The following RAB27B variants were observed in gnomAD, a reference collection of about 807,000 sequenced individuals.
RAB27B encodes RAB27B, member RAS oncogene family, also known as ras-related protein Rab-27B.
Under a neutral mutation model 24.6 loss-of-function variants are expected in RAB27B, and 15 were observed. That is an observed-to-expected ratio of 0.61 (90% confidence interval 0.41 to 0.94). RAB27B has a LOEUF of 0.94. RAB27B is among the 40% of genes least tolerant of loss of function. The pLI is 0.00. For missense variants in RAB27B, 261 were observed against 266.8 expected (o/e 0.98, Z 0.15); for synonymous variants, 105 against 92.5 (o/e 1.14, Z -0.78).
intron 1 of RAB27B, among the ~76,000 whole-genome samples, chr18:54,870,432 A>T (rs1049198893): frequency 2.0e-4 from 30 of 152,152 alleles, no homozygotes; most frequent in Admixed American, 7.2e-4. Context: ...CACTAAAAAA[A>T]TTTTCAATTA....
intron 2 of RAB27B, among the ~76,000 whole-genome samples, chr18:54,814,774 A>T (rs1007224707): frequency 4.6e-5 from 7 of 152,190 alleles, no homozygotes; most frequent in African/African-American, 1.7e-4. Flanking sequence ...TCAACATTTA[A>T]CTGAGTTAAC....
chr18:54,751,765 A>G (rs2045874999), intron 2 of RAB27B, among the ~76,000 whole-genome samples: 1 of 152,232 alleles, frequency 6.6e-6, no homozygotes, highest in African/African-American at 2.4e-5. Flanking sequence ...GATGAAGCAT[A>G]GAATAAAGAA....
At chr18:54,827,553 A>G (rs1037873540), upstream of RAB27B, among the ~76,000 whole-genome samples, 7 of 152,202 alleles carry the variant, frequency 4.6e-5, no homozygotes. Context: ...CTTCTACAAG[A>G]AATTCTCTGG....
At chr18:54,889,158 G>T in intron 5 of RAB27B, 66 bp from the exon 6 acceptor site, 1 of 1,435,958 alleles carries the variant, frequency 7.0e-7, no homozygotes, top group Non-Finnish European at 9.4e-7. Context: ...TGATTCACTT[G>T]TACATCTTGC....
intron 2 of RAB27B, among the ~76,000 whole-genome samples, chr18:54,815,217 A>G (rs973518725): frequency 6.6e-6 from 1 of 152,170 alleles, no homozygotes; most frequent in Non-Finnish European, 1.5e-5. Flanking sequence ...ATTGTTTTCC[A>G]AGGGTCAGAC....
chr18:54,823,395 A>G (rs144697902), intron 2 of RAB27B, among the ~76,000 whole-genome samples: 5 of 150,884 alleles, frequency 3.3e-5, no homozygotes, highest in African/African-American at 1.2e-4. Flanking sequence ...AGGGTTACGA[A>G]ATCTCGGATC....
intron 2 of RAB27B, among the ~76,000 whole-genome samples, chr18:54,728,903 C>CAAAAAAAAAAAAAAAAAAAAA (rs58878407): frequency 1.5e-5 from 1 of 68,252 alleles, no homozygotes; most frequent in African/African-American, 6.1e-5. Flanking sequence ...AAAAAAAACC[C>CAAAAAAAAAAAAAAAAAAAAA]AAAAAAAAAA....
At chr18:54,849,982 A>G (rs1003235248) in intron 1 of RAB27B, among the ~76,000 whole-genome samples, 3 of 152,004 alleles carry the variant, frequency 2.0e-5, no homozygotes, top group Admixed American at 1.3e-4. Context: ...AACTTAATCT[A>G]ACTAGTTAAA....
At chr18:54,817,580 A>C (rs1234824455) in intron 2 of RAB27B, among the ~76,000 whole-genome samples, 2 of 152,146 alleles carry the variant, frequency 1.3e-5, no homozygotes, top group East Asian at 3.9e-4. Context: ...TTAGTAAATA[A>C]GTCTCTTAGA....
intron 2 of RAB27B, among the ~76,000 whole-genome samples, chr18:54,823,003 A>G (rs1414001242): frequency 6.6e-6 from 1 of 152,246 alleles, no homozygotes; most frequent in Non-Finnish European, 1.5e-5. Flanking sequence ...AACAGGCAAC[A>G]TGAGGTTGGA....
intron 2 of RAB27B, among the ~76,000 whole-genome samples, chr18:54,741,789 A>C (rs1910081226): frequency 6.6e-6 from 1 of 152,216 alleles, no homozygotes; most frequent in African/African-American, 2.4e-5. Context: ...GGGGTGAACC[A>C]CTGTACCTGG....
At chr18:54,826,808 T>C (rs565080784), upstream of RAB27B, among the ~76,000 whole-genome samples, 1 of 152,346 alleles carries the variant, frequency 6.6e-6, no homozygotes, top group Non-Finnish European at 1.5e-5. Flanking sequence ...CTCAGTTACC[T>C]CATTCTGAAA....
intron 1 of RAB27B, among the ~76,000 whole-genome samples, chr18:54,835,522 G>C (rs1301403766): frequency 6.6e-6 from 1 of 151,842 alleles, no homozygotes; most frequent in South Asian, 2.1e-4. Flanking sequence ...GGAAGTAAAC[G>C]CTTCTATTAG....
chr18:54,873,351 G>A (rs1041995279), intron 1 of RAB27B, among the ~76,000 whole-genome samples: 8 of 152,132 alleles, frequency 5.3e-5, no homozygotes, highest in African/African-American at 1.9e-4. Flanking sequence ...TGGTTCTTGT[G>A]GTACAGCTTG....
intron 1 of RAB27B, among the ~76,000 whole-genome samples, chr18:54,873,494 T>A (rs1912559276): frequency 6.6e-6 from 1 of 152,208 alleles, no homozygotes; most frequent in Non-Finnish European, 1.5e-5. Context: ...TAAACAATAC[T>A]GTTAAACTTG....
intron 1 of RAB27B, among the ~76,000 whole-genome samples, chr18:54,868,425 C>T (rs115754505): frequency 0.031 from 4,738 of 152,226 alleles, 254 homozygotes; most frequent in African/African-American, 0.11. Context: ...CCTGCAGAAC[C>T]GTGAGTGAAT....
chr18:54,881,527 T>G (rs1273125640), intron 3 of RAB27B, among the ~76,000 whole-genome samples: 3 of 152,152 alleles, frequency 2.0e-5, no homozygotes, highest in African/African-American at 7.2e-5. Context: ...TCTCTTATCT[T>G]ATAAGCAGAG....
Position 54,893,240 on chromosome 18 carries a change from T to A in RAB27B, c.*3827T>A, listed in dbSNP as rs1913439723. Reference sequence around the variant, plus strand: ...CACCAAACGTTTGAGGGAAAAATCCTCATTCGTAAAGGATTTTGGATGTAT... The same window carrying A: ...CACCAAACGTTTGAGGGAAAAATCCACATTCGTAAAGGATTTTGGATGTAT... On this transcript the variant is annotated 3_prime_UTR_variant, in exon 6 of 6. Coordinates refer to ENST00000262094, the MANE Select transcript of RAB27B (RefSeq NM_004163.4). The A allele has an allele frequency of 6.6e-6, 1 of 152,026 alleles. No homozygotes were observed. The highest frequency in any genetic ancestry group is 1.5e-5 in the Non-Finnish European group (1 of 67,936). 9.4% of individuals were successfully genotyped at this position (152,026 alleles called of 1,614,324 possible).
chr18:54,796,834 C>A (rs190902659), intron 2 of RAB27B, among the ~76,000 whole-genome samples: 2 of 152,108 alleles, frequency 1.3e-5, no homozygotes, highest in East Asian at 1.9e-4. Context: ...TAGACTGGGA[C>A]CCTGCCCTTC....
Sources: allele counts gnomAD v4.1 joint callset (sites outside exome capture counted in the v4.1 genomes callset), GRCh38; gene constraint gnomAD v4.1.1; transcripts MANE v1.5; gene names NCBI Gene and HGNC (gene_info 2026-07-23, HGNC 2026-07-21).